Variants in AGPS observed in about 807,000 individuals in gnomAD.
The protein encoded by AGPS is alkyldihydroxyacetonephosphate synthase, peroxisomal.
In AGPS, 26 loss-of-function variants were observed where a neutral mutation model predicts 90.7. The observed-to-expected ratio is 0.29, with a 90% confidence interval of 0.21 to 0.40. AGPS has a LOEUF of 0.40. Ranked by LOEUF, AGPS falls within the 10% of genes least tolerant of loss-of-function variation. The pLI, the probability that AGPS is intolerant of heterozygous loss-of-function variation, is 1.00. For synonymous variants in AGPS, 294 were observed against 285.3 expected, an observed-to-expected ratio of 1.03 and a Z score of -0.31; for missense variants, 540 against 816.1, an observed-to-expected ratio of 0.66 and a Z score of 4.12.
chr2:177,464,739 C>T (rs2105670299), intron 9 of AGPS, among the ~76,000 whole-genome samples: 2 of 152,346 alleles, frequency 1.3e-5, no homozygotes, highest in South Asian at 4.1e-4. Flanking sequence ...AGCTGAAGCT[C>T]ATCGCTATTA....
chr2:177,502,376 CAGATTACTT>C lies in AGPS; in HGVS notation c.1475+2659_1475+2667del, dbSNP rs559557050. ...TTAAACAACCCAGATTGTTATTTGG[CAGATTACTT>C]AGATTACTTAGAGCCATTTCGATTT... On this transcript the variant is annotated intron_variant, in intron 14 of 19. Transcript: ENST00000264167. Among the ~76,000 whole-genome samples the C allele has an allele frequency of 3.0e-3, 444 of 147,064 alleles. 4 individuals carry two copies. Among genetic ancestry groups the C allele is most frequent in the African/African-American group, 0.01 (415 of 40,170 alleles).
rs371979335 is a variant in AGPS, at chr2:177,445,646, T to A, written c.870+20T>A. On this transcript the variant is annotated intron_variant, in intron 8 of 19. Transcript: ENST00000264167. Reference sequence around the variant, plus strand: ...AGACAGGTATGTTATTTATTTTTCTTATTTTTTTAAATTAACTTATTCTAA... The same window carrying A: ...AGACAGGTATGTTATTTATTTTTCTAATTTTTTTAAATTAACTTATTCTAA... The A allele has an allele frequency of 6.6e-7, 1 of 1,523,310 alleles. No homozygotes were observed. Among genetic ancestry groups the A allele is most frequent in the Non-Finnish European group, 8.9e-7 (1 of 1,125,616 alleles). The allele number at this position is 1,523,310 out of a possible 1,614,324, so 94.4% of individuals were successfully genotyped here. A position where few individuals can be genotyped will look rare whatever the true frequency, so the allele number is the denominator to read the frequency against.
chr2:177,496,718 A>G (rs146735752), intron 12 of AGPS, among the ~76,000 whole-genome samples: 1 of 152,088 alleles, frequency 6.6e-6, no homozygotes, highest in Non-Finnish European at 1.5e-5. Flanking sequence ...AGTAAGTAGT[A>G]TTACAGATTG....
chr2:177,420,447 C>T (rs1191635311), intron 2 of AGPS, 89 bp downstream of exon 2: 1 of 962,232 alleles, frequency 1.0e-6, no homozygotes, highest in East Asian at 2.4e-5. Flanking sequence ...ATAATGATTC[C>T]TCCTTGAGTT....
Position 177,543,458 on chromosome 2 carries a change from C to T in AGPS, c.*5263C>T, listed in dbSNP as rs938241312. On this transcript the variant is annotated 3_prime_UTR_variant, in exon 20 of 20. Transcript: ENST00000264167. ...ACTTGAATAATATCTTATCCTGAGTCTTCCTCCAAGGCAGTACATATTCCT... is the reference window on the plus strand; with the variant it reads ...ACTTGAATAATATCTTATCCTGAGTTTTCCTCCAAGGCAGTACATATTCCT... The T allele has an allele frequency of 1.2e-4, 18 of 152,208 alleles. No homozygotes were observed. The highest frequency in any genetic ancestry group is 9.8e-4 in the Admixed American group (15 of 15,286). The allele number at this position is 152,208 out of a possible 1,614,324, so 9.4% of individuals were successfully genotyped here. A position where few individuals can be genotyped will look rare whatever the true frequency, so the allele number is the denominator to read the frequency against.
At chr2:177,498,864 G>A (rs1318490845) in intron 13 of AGPS, among the ~76,000 whole-genome samples, 1 of 151,484 alleles carries the variant, frequency 6.6e-6, no homozygotes, top group Non-Finnish European at 1.5e-5. Context: ...TTTTGTTCTT[G>A]AAAAATTAAA....
chr2:177,540,621 G>C lies in AGPS; in HGVS notation c.*2426G>C, dbSNP rs1412029022. ...CTGAAAATGGCTTCATAAAAGTTAA[G>C]TCAGGAGAACACTGTTTACATGACA... On this transcript the variant is annotated 3_prime_UTR_variant, in exon 20 of 20. Coordinates refer to ENST00000264167, the MANE Select transcript of AGPS (RefSeq NM_003659.4). The C allele has an allele frequency of 6.6e-6, 1 of 151,934 alleles. No homozygotes were observed. The highest frequency in any genetic ancestry group is 2.4e-5 in the African/African-American group (1 of 41,398). 9.4% of individuals were successfully genotyped at this position (151,934 alleles called of 1,614,324 possible).
intron 8 of AGPS, among the ~76,000 whole-genome samples, chr2:177,449,817 G>A (rs1686881660): frequency 6.6e-6 from 1 of 151,892 alleles, no homozygotes; most frequent in Non-Finnish European, 1.5e-5. Context: ...CTTTATTGGT[G>A]AAGTTCTCCT....
At chr2:177,483,330 A>G (rs1358617819) in intron 11 of AGPS, among the ~76,000 whole-genome samples, 2 of 152,178 alleles carry the variant, frequency 1.3e-5, no homozygotes, top group Admixed American at 6.5e-5. Context: ...ATACACTCAT[A>G]AAGTTTTACT....
In AGPS at chr2:177,476,567, A is replaced by C. The variant is rs567726526; in HGVS notation, c.1106-5492A>C. Among the ~76,000 whole-genome samples the C allele has an allele frequency of 4.7e-4, 72 of 152,142 alleles. 1 individual carries two copies. The highest frequency in any genetic ancestry group is 4.3e-3 in the Admixed American group (65 of 15,286). ...AGTCTTTGAAAATTTGTTCAAGTTT[A>C]TTTTATGACCTCGCTAGCATGTAGT... is the stretch of plus-strand genomic sequence containing the variant. On this transcript the variant is annotated intron_variant, in intron 10 of 19. Coordinates refer to ENST00000264167, the MANE Select transcript of AGPS (RefSeq NM_003659.4).
intron 11 of AGPS, among the ~76,000 whole-genome samples, chr2:177,492,031 C>T (rs1688279087): frequency 6.6e-6 from 1 of 152,078 alleles, no homozygotes; most frequent in Admixed American, 6.5e-5. Context: ...AGTGATTTGC[C>T]CACCTCAGCC....
chr2:177,524,627 A>G (rs1177464833), intron 19 of AGPS, among the ~76,000 whole-genome samples: 2 of 151,860 alleles, frequency 1.3e-5, no homozygotes, highest in Non-Finnish European at 2.9e-5. Context: ...TGGACTCCTT[A>G]TATCCTTTTT....
At position 177,420,662 on chromosome 2, in the gene AGPS, T is replaced by G. The variant is rs74777228; in HGVS notation, c.350+304T>G. On this transcript the variant is annotated intron_variant, in intron 2 of 19. Coordinates refer to ENST00000264167, the MANE Select transcript of AGPS (RefSeq NM_003659.4). ...AAAAATTTTTATTTAGTTATCCAGTTCATATTCACATTCTCCAGTTGTCTC... is the reference window on the plus strand; with the variant it reads ...AAAAATTTTTATTTAGTTATCCAGTGCATATTCACATTCTCCAGTTGTCTC... Among the ~76,000 whole-genome samples, 1,027 of 151,880 alleles carry G rather than the reference T, an allele frequency of 6.8e-3. 11 individuals carry two copies. Among genetic ancestry groups the G allele is most frequent in the African/African-American group, 0.023 (975 of 41,510 alleles).
intron 1 of AGPS, among the ~76,000 whole-genome samples, chr2:177,410,716 G>T (rs1012220700): frequency 6.6e-6 from 1 of 152,142 alleles, no homozygotes; most frequent in African/African-American, 2.4e-5. Context: ...GGCCACACCA[G>T]TGTCCAGGAG....
chr2:177,452,834 T>C (rs1686992843), intron 8 of AGPS, among the ~76,000 whole-genome samples: 1 of 152,144 alleles, frequency 6.6e-6, no homozygotes, highest in Non-Finnish European at 1.5e-5. Context: ...TAAGTTTTTG[T>C]TTTGTTTTAG....
rs1048146864 is a variant in AGPS at position 177,453,533 on chromosome 2, A to G, written c.870+7907A>G. ...TGTTCCACTGCCTCAGCCTCCCAAA[A>G]TGCTGGGATTATAGGCATGAGCCAC... On this transcript the variant is annotated intron_variant, in intron 8 of 19. Transcript: ENST00000264167. 8.4e-4 allele frequency among the ~76,000 whole-genome samples: 127 copies of G among 151,360 alleles called. 1 individual carries two copies. The highest frequency in any genetic ancestry group is 3.0e-3 in the African/African-American group (124 of 41,218).
intron 10 of AGPS, among the ~76,000 whole-genome samples, chr2:177,473,850 C>T (rs1427751604): frequency 1.3e-5 from 2 of 152,220 alleles, no homozygotes. Context: ...TGCACAGACT[C>T]ACCTTGGTCA....
At chr2:177,474,724 C>T (rs1025433381) in intron 10 of AGPS, among the ~76,000 whole-genome samples, 2 of 152,244 alleles carry the variant, frequency 1.3e-5, no homozygotes, top group African/African-American at 4.8e-5. Context: ...CTTTGCTCAT[C>T]ACATTTAGAG....
chr2:177,519,910 C>T (rs1177042783), intron 17 of AGPS, among the ~76,000 whole-genome samples: 2 of 152,190 alleles, frequency 1.3e-5, no homozygotes, highest in Non-Finnish European at 2.9e-5. Flanking sequence ...CTGCTGATTG[C>T]CCATTTTTAT....
Sources: gnomAD v4.1 joint callset for allele counts (sites outside exome capture counted in the v4.1 genomes callset) on GRCh38, gnomAD v4.1.1 for gene constraint, MANE v1.5 for transcripts, NCBI Gene and HGNC (gene_info 2026-07-23, HGNC 2026-07-21) for gene names.